Variants in BRCA1 observed in about 807,000 individuals in gnomAD.
BRCA1 encodes the protein breast cancer type 1 susceptibility protein.
A neutral mutation model predicts 173.7 loss-of-function variants in BRCA1; 140 were observed. The observed-to-expected ratio is 0.81, with a 90% CI of 0.70 to 0.93. BRCA1 has a LOEUF of 0.93. BRCA1 is among the 40% of genes least tolerant of loss of function. The pLI, the probability that BRCA1 is intolerant of heterozygous loss-of-function variation, is 0.00. For missense variants in BRCA1, 1,983 were observed against 2,172.5 expected (o/e 0.91, Z 1.73); for synonymous variants, 662 against 756.0 (o/e 0.88, Z 2.04).
At chr17:43,060,654 C>T (rs2051709392) in intron 18 of BRCA1, among the ~76,000 whole-genome samples, 1 of 151,516 alleles carries the variant, frequency 6.6e-6, no homozygotes, top group South Asian at 2.1e-4. Flanking sequence ...TACAGGCACA[C>T]ACCACCACAC....
At chr17:43,064,974 A>G (rs1031328234) in intron 16 of BRCA1, among the ~76,000 whole-genome samples, 1 of 151,520 alleles carries the variant, frequency 6.6e-6, no homozygotes, top group East Asian at 1.9e-4. Context: ...GGGACTACAG[A>G]TGCCCGCCAC....
chr17:43,051,172 G>A lies in BRCA1; in HGVS notation c.5278-55C>T, dbSNP rs1309672012. On this transcript the variant is annotated intron_variant, in intron 19 of 22. Transcript: ENST00000357654. ...GGGGAATGGAGAGAAGGAAAATCTAGTTATAAAAGAATATTGGCTTTTATT... is the reference window on the plus strand; with the variant it reads ...GGGGAATGGAGAGAAGGAAAATCTAATTATAAAAGAATATTGGCTTTTATT... 2.7e-6 allele frequency: 4 copies of A among 1,500,524 alleles called. No individual in the cohort carries two copies. The Admixed American group carries it at 5.0e-5, about 19-fold the overall frequency. 93.0% of individuals were successfully genotyped at this position (1,500,524 alleles called of 1,614,324 possible). A position where few individuals can be genotyped will look rare whatever the true frequency, so the allele number is the denominator to read the frequency against.
At chr17:43,145,484 G>A (rs1161845945) in intron 1 of BRCA1, among the ~76,000 whole-genome samples, 2 of 151,962 alleles carry the variant, frequency 1.3e-5, no homozygotes, top group South Asian at 2.1e-4. Flanking sequence ...CCACCATCAC[G>A]CCCGGCTAAT....
intron 19 of BRCA1, among the ~76,000 whole-genome samples, chr17:43,052,575 T>A (rs1229238101): frequency 5.3e-5 from 8 of 152,166 alleles, no homozygotes; most frequent in Admixed American, 5.2e-4. Context: ...AAATAAACCC[T>A]AAAATTGTAT....
Position 43,119,759 on chromosome 17 carries a change from T to C in BRCA1, c.81-3980A>G, listed in dbSNP as rs1285459048. ...AAAGAAATTCTCCGTAAAAGAAAAA[T>C]TGGATTCAGTTATCATACCAGATGG... On this transcript the variant is annotated intron_variant, in intron 2 of 22. Coordinates refer to ENST00000357654, the MANE Select transcript of BRCA1 (RefSeq NM_007294.4). 4.6e-5 allele frequency among the ~76,000 whole-genome samples: 7 copies of C among 152,146 alleles called. No individual in the cohort carries two copies. The East Asian group carries it at 1.3e-3, about 29-fold the overall frequency.
chr17:43,071,480 T>A (rs193299888), intron 14 of BRCA1, among the ~76,000 whole-genome samples: 163 of 142,450 alleles, frequency 1.1e-3, no homozygotes, highest in African/African-American at 3.9e-3. Flanking sequence ...TAGAAATATA[T>A]CCTAGGGAGA....
chr17:43,156,514 T>C (rs1408106938), intron 1 of BRCA1, among the ~76,000 whole-genome samples: 3 of 152,180 alleles, frequency 2.0e-5, no homozygotes, highest in Non-Finnish European at 4.4e-5. Context: ...TAAAATTAAA[T>C]GCTACTTGGG....
intron 19 of BRCA1, among the ~76,000 whole-genome samples, chr17:43,054,909 C>T (rs1044599070): frequency 6.6e-6 from 1 of 151,958 alleles, no homozygotes; most frequent in African/African-American, 2.4e-5. Flanking sequence ...ACCACCACGC[C>T]CAGTTAACTT....
chr17:43,093,055 TG>T lies in BRCA1; in HGVS notation c.2475del (p.Asp825GlufsTer21), dbSNP rs80357970. 18 of 1,613,794 alleles carry T rather than the reference TG, an allele frequency of 1.1e-5. No homozygotes were observed. The highest frequency in any genetic ancestry group is 1.5e-5 in the Non-Finnish European group (18 of 1,180,012). On this transcript the variant is annotated frameshift_variant, in exon 10 of 23. Coordinates refer to ENST00000357654, the MANE Select transcript of BRCA1 (RefSeq NM_007294.4). LOFTEE classifies it high-confidence loss of function. ...IHGCSKDNRNDTEGFKYPLGH... is the reference protein window; with the variant it reads ...IHGCSKDNRNXTEGFKYPLGH... ...CCCAATGGATACTTAAAGCCTTCTGTGTCATTTCTATTATCTTTGGAACAAC... is the reference window on the plus strand; with the variant it reads ...CCCAATGGATACTTAAAGCCTTCTGTTCATTTCTATTATCTTTGGAACAAC...
chr17:43,141,980 C>T lies in BRCA1; in HGVS notation c.-19-17865G>A, dbSNP rs547667847. The stretch of plus-strand genomic sequence containing the variant: ...AGGCTGGTGTGCAGTGGCCCAGTCT[C>T]GGCTCACTGCAACCTCCGTCTCCTG... On this transcript the variant is annotated intron_variant, in intron 1 of 7. Transcript: ENST00000634433. Among the ~76,000 whole-genome samples, 19 of 152,030 alleles carry T rather than the reference C, an allele frequency of 1.2e-4. 2 individuals carry two copies. The highest frequency in any genetic ancestry group is 4.2e-4 in the South Asian group (2 of 4,806).
At chr17:43,129,368 C>A (rs546675594), upstream of BRCA1, among the ~76,000 whole-genome samples, 1 of 152,354 alleles carries the variant, frequency 6.6e-6, no homozygotes, top group South Asian at 2.1e-4. Flanking sequence ...GTTGGCCCAC[C>A]AGCTGGAGGA....
chr17:43,124,982 G>C, intron 1 of BRCA1: 2 of 367,084 alleles, frequency 5.4e-6, no homozygotes, highest in Middle Eastern at 7.7e-4. Flanking sequence ...CTGACCTCAT[G>C]ACCAGCCGAC....
rs1567798189 is a variant in BRCA1 at position 43,093,726 on chromosome 17, T to C, written c.1805A>G (p.Asn602Ser). The change falls in exon 10 of 23, where the codon AAT becomes AGT. Residue 602 changes from asparagine to serine, a missense_variant. Coordinates refer to ENST00000357654, the MANE Select transcript of BRCA1 (RefSeq NM_007294.4). ...CCTATTCTTTTTAGGTGCTTTTGAA[T>C]TGTGGATATTTAATTCGAGTTCCAT... ...SNMELELNIH[N>S]SKAPKKNRLR... The C allele has an allele frequency of 6.2e-7, 1 of 1,614,086 alleles. No homozygotes were observed. Among genetic ancestry groups the C allele is most frequent in the African/African-American group, 1.3e-5 (1 of 75,066 alleles).
At position 43,067,601 on chromosome 17, in the gene BRCA1, G is replaced by T. The variant is rs1597825506; in HGVS notation, c.5074+7C>A. On this transcript the variant is annotated splice_region_variant and intron_variant, in intron 16 of 22. Coordinates refer to ENST00000357654, the MANE Select transcript of BRCA1 (RefSeq NM_007294.4). ...TGCAAGGTATTCTGTAAAGGTTCTT[G>T]GTATACCTGTTTTCATAACAACATG... The T allele has an allele frequency of 6.3e-7, 1 of 1,596,462 alleles. No homozygotes were observed. The highest frequency in any genetic ancestry group is 8.6e-7 in the Non-Finnish European group (1 of 1,164,200).
At chr17:43,151,942 C>T (rs2056164585) in intron 1 of BRCA1, among the ~76,000 whole-genome samples, 1 of 152,088 alleles carries the variant, frequency 6.6e-6, no homozygotes, top group African/African-American at 2.4e-5. Context: ...TTTGGAAGTA[C>T]CATTAAGTGC....
rs755614810 is a variant in BRCA1, at chr17:43,082,454, G to A, written c.4307C>T (p.Ser1436Phe). The change falls in exon 12 of 23, where the codon TCT becomes TTT. Residue 1436 changes from serine (S) to phenylalanine (F), a missense_variant. Coordinates refer to ENST00000357654, the MANE Select transcript of BRCA1 (RefSeq NM_007294.4). The part of the protein sequence containing the change: ...SNSYPSIISD[S>F]SALEDLRNPE... ...ATTTCGCAGGTCCTCAAGGGCAGAA[G>A]AGTCACTTATGATGGAAGGGTAGCT... is the stretch of plus-strand genomic sequence containing the variant. 1.9e-6 allele frequency: 3 copies of A among 1,614,144 alleles called. No homozygotes were observed. The South Asian group carries it at 3.3e-5, about 18-fold the overall frequency.
rs940642132 is a variant in BRCA1, at chr17:43,044,592, T to G, written c.*1086A>C. On this transcript the variant is annotated 3_prime_UTR_variant, in exon 23 of 23. Coordinates refer to ENST00000357654, the MANE Select transcript of BRCA1 (RefSeq NM_007294.4). ...GGTGGGATCTGTCATTTTATAGATA[T>G]GAAATATTCATGCCAGAGGTCTTAT... The G allele has an allele frequency of 9.5e-5, 48 of 504,204 alleles. No individual in the cohort carries two copies. Among genetic ancestry groups the G allele is most frequent in the Non-Finnish European group, 1.6e-4 (42 of 257,374 alleles). The allele number at this position is 504,204 out of a possible 1,614,324, so 31.2% of individuals were successfully genotyped here. A position where few individuals can be genotyped will look rare whatever the true frequency, so the allele number is the denominator to read the frequency against.
chr17:43,154,448 C>T (rs1338987542), intron 1 of BRCA1, among the ~76,000 whole-genome samples: 1 of 152,044 alleles, frequency 6.6e-6, no homozygotes, highest in Non-Finnish European at 1.5e-5. Flanking sequence ...TGCCCCACTG[C>T]ACTCCAGCTT....
chr17:43,125,397 A>T (rs1297242495), upstream of BRCA1: 4 of 398,584 alleles, frequency 1.0e-5, no homozygotes, highest in Non-Finnish European at 2.0e-5. Flanking sequence ...GTTTTAATTT[A>T]TCTGTAATTC....
Sources: allele counts gnomAD v4.1 joint callset (sites outside exome capture counted in the v4.1 genomes callset), GRCh38; gene constraint gnomAD v4.1.1; transcripts MANE v1.5; gene names NCBI Gene and HGNC (gene_info 2026-07-23, HGNC 2026-07-21).